Variants in SGMS2 observed in about 807,000 individuals in gnomAD.
SGMS2 encodes sphingomyelin synthase 2, also known as phosphatidylcholine:ceramide cholinephosphotransferase 2.
SGMS2 carries 21 observed loss-of-function variants against 43.8 expected under a neutral mutation model. The observed-to-expected ratio is 0.48, with a 90% CI of 0.34 to 0.69. The LOEUF (loss-of-function observed/expected upper bound fraction) is 0.69, where lower values mean the gene tolerates loss of function less well. Among genes scored for constraint, SGMS2 ranks in the 30% least tolerant of loss-of-function variants. The pLI, the probability that SGMS2 is intolerant of heterozygous loss-of-function variation, is 0.01. For missense variants in SGMS2, 384 were observed against 443.2 expected (o/e 0.87, Z 1.20); for synonymous variants, 167 against 160.6 (o/e 1.04, Z -0.30).
At chr4:107,826,990 T>C (rs943612155) in intron 1 of SGMS2, among the ~76,000 whole-genome samples, 2 of 152,246 alleles carry the variant, frequency 1.3e-5, no homozygotes, top group Admixed American at 6.5e-5. Flanking sequence ...TGTGTTCCTT[T>C]GAGCAAGTTT....
chr4:107,861,661 C>T (rs1310806816), intron 2 of SGMS2, among the ~76,000 whole-genome samples: 2 of 151,836 alleles, frequency 1.3e-5, no homozygotes, highest in Non-Finnish European at 2.9e-5. Context: ...GATTTTTTTC[C>T]TTAAATATGC....
intron 1 of SGMS2, among the ~76,000 whole-genome samples, chr4:107,832,618 T>C (rs950388883): frequency 2.0e-5 from 3 of 152,188 alleles, no homozygotes; most frequent in African/African-American, 7.2e-5. Context: ...ATTTGTGTCT[T>C]TGTGTATGCA....
intron 2 of SGMS2, among the ~76,000 whole-genome samples, chr4:107,891,061 C>A (rs1435451411): frequency 6.6e-6 from 1 of 151,902 alleles, no homozygotes; most frequent in Admixed American, 6.6e-5. Flanking sequence ...AAATAAAGCC[C>A]CTTAAGTAGT....
intron 2 of SGMS2, among the ~76,000 whole-genome samples, chr4:107,874,313 G>A (rs1443219235): frequency 6.6e-6 from 1 of 152,126 alleles, no homozygotes; most frequent in African/African-American, 2.4e-5. Flanking sequence ...TTGTTTATTA[G>A]AAACTTTGCT....
chr4:107,895,889 A>C lies in SGMS2; in HGVS notation c.336A>C (p.Pro112=). Residue 112 remains proline (P), a synonymous_variant, in exon 3 of 7, where the codon CCA becomes CCC. Coordinates refer to ENST00000690982, the MANE Select transcript of SGMS2 (RefSeq NM_001375905.1). ...ERVPPKELSP[P]LPDKFFDYID... is the part of the protein sequence containing the mutation. Reference sequence around the variant, plus strand: ...TCCCTCCCAAGGAGCTTAGCCCTCCACTCCCAGACAAGTTTTTTGATTACA... The same window carrying C: ...TCCCTCCCAAGGAGCTTAGCCCTCCCCTCCCAGACAAGTTTTTTGATTACA... 6.2e-7 allele frequency: 1 copy of C among 1,613,786 alleles called. No individual in the cohort carries two copies. Among genetic ancestry groups the C allele is most frequent in the Non-Finnish European group, 8.5e-7 (1 of 1,179,884 alleles).
At chr4:107,855,914 G>T (rs1473859438) in intron 1 of SGMS2, among the ~76,000 whole-genome samples, 2 of 152,120 alleles carry the variant, frequency 1.3e-5, no homozygotes, top group African/African-American at 4.8e-5. Flanking sequence ...GGGAACTAAG[G>T]CTCAGGGAAA....
At position 107,825,251 on chromosome 4, in the gene SGMS2, C is replaced by G. The variant is rs926507781; in HGVS notation, c.-329C>G. On this transcript the variant is annotated splice_region_variant and 5_prime_UTR_variant, in exon 1 of 7. Transcript: ENST00000690982. ...GAGTGTCTGGAGCCCTGGCCACCAG[C>G]GGGTAAGGAGCGCGCGGAGGGGCCA... The G allele has an allele frequency of 6.6e-6, 1 of 152,180 alleles. No homozygotes were observed. The highest frequency in any genetic ancestry group is 2.4e-5 in the African/African-American group (1 of 41,376). 9.4% of individuals were successfully genotyped at this position (152,180 alleles called of 1,614,324 possible). A position where few individuals can be genotyped will look rare whatever the true frequency, so the allele number is the denominator to read the frequency against.
intron 2 of SGMS2, among the ~76,000 whole-genome samples, chr4:107,876,225 C>A (rs902576881): frequency 2.0e-5 from 3 of 152,072 alleles, no homozygotes; most frequent in South Asian, 2.1e-4. Context: ...AGACATTAGA[C>A]TCCTACAAGG....
At chr4:107,831,636 A>G (rs753841249) in intron 1 of SGMS2, among the ~76,000 whole-genome samples, 1 of 152,196 alleles carries the variant, frequency 6.6e-6, no homozygotes, top group African/African-American at 2.4e-5. Flanking sequence ...AAATGGAACC[A>G]TTCTTTCTCG....
At chr4:107,904,994 T>C (rs1468620895) in intron 5 of SGMS2, among the ~76,000 whole-genome samples, 1 of 152,098 alleles carries the variant, frequency 6.6e-6, no homozygotes, top group Non-Finnish European at 1.5e-5. Flanking sequence ...AAGAGGTGCA[T>C]TTCAGAGTGA....
At chr4:107,857,531 G>GATATATATATAT (rs112123351) in intron 1 of SGMS2, among the ~76,000 whole-genome samples, 15 of 144,922 alleles carry the variant, frequency 1.0e-4, no homozygotes, top group African/African-American at 3.0e-4. Flanking sequence ...GTAGTTAAAA[G>GATATATATATAT]ATATATATAT....
chr4:107,847,573 C>T (rs1277765817), intron 1 of SGMS2, among the ~76,000 whole-genome samples: 1 of 151,956 alleles, frequency 6.6e-6, no homozygotes, highest in Non-Finnish European at 1.5e-5. Flanking sequence ...GTTCTTTTGG[C>T]TTAGGATTGA....
intron 3 of SGMS2, among the ~76,000 whole-genome samples, chr4:107,897,042 A>G (rs560183870): frequency 3.2e-4 from 49 of 152,312 alleles, no homozygotes; most frequent in African/African-American, 1.2e-3. Flanking sequence ...TCATTCTTAG[A>G]GAATTTTGGC....
chr4:107,896,189 G>A (rs1730658775), intron 3 of SGMS2, among the ~76,000 whole-genome samples, 181 bp downstream of exon 3: 1 of 152,002 alleles, frequency 6.6e-6, no homozygotes, highest in Admixed American at 6.6e-5. Context: ...TTCAGTAAGT[G>A]TTTGATGAGC....
chr4:107,882,820 ATTCAATAAAATTCTGT>A (rs1729463780), intron 2 of SGMS2, among the ~76,000 whole-genome samples: 1 of 152,176 alleles, frequency 6.6e-6, no homozygotes, highest in Non-Finnish European at 1.5e-5. Flanking sequence ...CTGATATTCA[ATTCAATAAAATTCTGT>A]TTCAAGACCT....
intron 3 of SGMS2, among the ~76,000 whole-genome samples, chr4:107,898,454 G>GT (rs1000093745): frequency 7.2e-5 from 11 of 152,102 alleles, no homozygotes; most frequent in Admixed American, 2.6e-4. Flanking sequence ...GAAACTGCCT[G>GT]TTTTTTCAGA....
Position 107,911,353 on chromosome 4 carries a change from G to C in SGMS2, c.*800G>C, listed in dbSNP as rs1732107046. ...TACACACTTAGATGCTGTCTGCCCT[G>C]TAAATTTGGATCTGGTGCCCCAGGG... On this transcript the variant is annotated 3_prime_UTR_variant, in exon 7 of 7. Transcript: ENST00000690982. 1 of 152,148 alleles carries C rather than the reference G, an allele frequency of 6.6e-6. No homozygotes were observed. The highest frequency in any genetic ancestry group is 1.5e-5 in the Non-Finnish European group (1 of 68,044). 9.4% of individuals were successfully genotyped at this position (152,148 alleles called of 1,614,324 possible).
chr4:107,862,633 G>T (rs2126035451), intron 2 of SGMS2, among the ~76,000 whole-genome samples: 1 of 152,234 alleles, frequency 6.6e-6, no homozygotes, highest in Non-Finnish European at 1.5e-5. Flanking sequence ...CCTTTTGAAT[G>T]CTCCTGACTT....
intron 2 of SGMS2, among the ~76,000 whole-genome samples, chr4:107,862,862 A>T (rs755256976): frequency 3.3e-5 from 5 of 152,210 alleles, no homozygotes; most frequent in Non-Finnish European, 5.9e-5. Context: ...TGAACACCTC[A>T]CTGAATGAAA....
Sources: allele counts gnomAD v4.1 joint callset (sites outside exome capture counted in the v4.1 genomes callset), GRCh38; gene constraint gnomAD v4.1.1; transcripts MANE v1.5; gene names NCBI Gene and HGNC (gene_info 2026-07-23, HGNC 2026-07-21).